The following ADGRG4 variants were observed in gnomAD, a reference collection of about 807,000 sequenced individuals.
The protein encoded by ADGRG4 is adhesion G protein-coupled receptor G4.
Under a neutral mutation model 126.2 loss-of-function variants are expected in ADGRG4, and 122 were observed. The observed-to-expected ratio is 0.97, with a 90% CI of 0.83 to 1.12. The LOEUF (loss-of-function observed/expected upper bound fraction) is 1.12, where lower values mean the gene tolerates loss of function less well. Ranked by LOEUF, ADGRG4 falls within the 50% of genes most tolerant of loss-of-function variation. The pLI is 0.00. For missense variants in ADGRG4, 2,481 were observed against 2,251.8 expected, an observed-to-expected ratio of 1.10 and a Z score of -2.06; for synonymous variants, 943 against 838.7, an observed-to-expected ratio of 1.12 and a Z score of -2.15.
chrX:136,357,829 T>C (rs370828314), intron 10 of ADGRG4, 73 bp downstream of exon 10: 3 of 743,592 alleles, frequency 4.0e-6, no homozygotes, highest in Non-Finnish European at 6.1e-6. Flanking sequence ...TAATTCTGCA[T>C]GTGCGGCCAG....
rs867967224 is a variant in ADGRG4, at chrX:136,414,471, G to T, written c.9205+144G>T. ...TGTATACCTCGACTCATTCTTGGCT[G>T]AGAAAGTGTGTATAGAAGCATAGAA... On this transcript the variant is annotated intron_variant, in intron 25 of 25. Transcript: ENST00000394143. 1.2e-5 allele frequency: 6 copies of T among 489,302 alleles called. No homozygotes were observed. In the Middle Eastern group the frequency reaches 2.2e-3, roughly 182 times the overall value. The allele number at this position is 489,302 out of a possible 1,213,427, so 40.3% of individuals were successfully genotyped here. A position where few individuals can be genotyped will look rare whatever the true frequency, so the allele number is the denominator to read the frequency against.
chrX:136,329,044 GA>G (rs1163046357), intron 5 of ADGRG4, among the ~76,000 whole-genome samples: 36 of 106,055 alleles, frequency 3.4e-4, no homozygotes, highest in Admixed American at 9.0e-4. Context: ...ACACCACTTT[GA>G]AAAAAAAAAG....
intron 4 of ADGRG4, among the ~76,000 whole-genome samples, chrX:136,322,087 A>C (rs966558561): frequency 1.8e-5 from 2 of 111,690 alleles, no homozygotes; most frequent in Non-Finnish European, 3.8e-5. Context: ...AGCCAATGGT[A>C]ACTGGGGTCT....
At chrX:136,379,760 G>A (rs1172062781) in intron 15 of ADGRG4, among the ~76,000 whole-genome samples, 3 of 110,364 alleles carry the variant, frequency 2.7e-5, no homozygotes, top group African/African-American at 6.6e-5. Flanking sequence ...TAGCTGACCC[G>A]TTGAATAACA....
At chrX:136,325,686 C>T (rs1214030673) in intron 5 of ADGRG4, among the ~76,000 whole-genome samples, 1 of 106,755 alleles carries the variant, frequency 9.4e-6, no homozygotes, top group African/African-American at 3.4e-5. Context: ...CTAGACAACC[C>T]TGTTTTATTT....
rs138686053 is a variant in ADGRG4 at position 136,323,577 on chromosome X, A to AACACACAC, written c.685+216_685+223dup. The stretch of plus-strand genomic sequence containing the variant: ...AAAGATTGGAAGAATAGGATAGAAG[A>AACACACAC]ACACACACACACACACACACACACA... On this transcript the variant is annotated intron_variant, in intron 5 of 25. Transcript: ENST00000394143. 4.3e-3 allele frequency among the ~76,000 whole-genome samples: 407 copies of AACACACAC among 93,997 alleles called. 1 individual carries two copies. The highest frequency in any genetic ancestry group is 0.011 in the African/African-American group (289 of 25,356). The allele number at this position is 93,997 out of a possible 115,157, so 81.6% of individuals were successfully genotyped here. A position where few individuals can be genotyped will look rare whatever the true frequency, so the allele number is the denominator to read the frequency against.
Position 136,348,224 on chromosome X carries a change from G to T in ADGRG4, c.4518G>T (p.Thr1506=). The T allele has an allele frequency of 1.7e-6, 2 of 1,210,178 alleles. No individual in the cohort carries two copies. The highest frequency in any genetic ancestry group is 2.2e-6 in the Non-Finnish European group (2 of 894,415). Residue 1506 remains threonine, a synonymous_variant, in exon 6 of 26, where the codon ACG becomes ACT. Transcript: ENST00000394143. ...TTCCTAGAGAATCCTCTATGGCAAC[G>T]TCCACTCCTATTTACCAGATGTCCT... is the stretch of plus-strand genomic sequence containing the variant. ...TMLPRESSMA[T]STPIYQMSSL...
intron 4 of ADGRG4, among the ~76,000 whole-genome samples, chrX:136,310,393 G>A (rs2074761201): frequency 9.0e-6 from 1 of 111,259 alleles, no homozygotes; most frequent in African/African-American, 3.3e-5. Flanking sequence ...CAGTCACAAG[G>A]TTTTCCAGAC....
intron 16 of ADGRG4, among the ~76,000 whole-genome samples, chrX:136,390,510 G>A (rs1302128159): frequency 1.8e-5 from 2 of 111,436 alleles, no homozygotes; most frequent in Non-Finnish European, 3.8e-5. Flanking sequence ...CCACTCATCT[G>A]GAAGATCAGG....
At chrX:136,317,523 A>G (rs747610467) in intron 4 of ADGRG4, among the ~76,000 whole-genome samples, 29 of 107,371 alleles carry the variant, frequency 2.7e-4, no homozygotes, top group Admixed American at 1.1e-3. Flanking sequence ...AAAAAAAGAA[A>G]GAAAGAAATG....
Position 136,348,923 on chromosome X carries a change from T to A in ADGRG4, c.5217T>A (p.Asp1739Glu), listed in dbSNP as rs752988298. The A allele has an allele frequency of 8.3e-6, 10 of 1,204,051 alleles. No homozygotes were observed. In the Admixed American group the frequency reaches 2.0e-4, roughly 24 times the overall value. Residue 1739 changes from aspartate to glutamate, a missense_variant, in exon 6 of 26, where the codon GAT becomes GAA. Coordinates refer to ENST00000394143, the MANE Select transcript of ADGRG4 (RefSeq NM_153834.4). ...VNSGTGVALT[D>E]TYSRITVPEN... Reference sequence around the variant, plus strand: ...GTGGTACAGGGGTAGCTCTCACAGATACTTATTCCAGAATCACTGTTCCTG... The same window carrying A: ...GTGGTACAGGGGTAGCTCTCACAGAAACTTATTCCAGAATCACTGTTCCTG...
chrX:136,380,530 GCCT>G (rs200185658), intron 15 of ADGRG4, among the ~76,000 whole-genome samples: 2 of 103,755 alleles, frequency 1.9e-5, no homozygotes, highest in East Asian at 3.0e-4. Flanking sequence ...TGCTGCTGCT[GCCT>G]CCTCCTCCTC....
chrX:136,353,902 G>A (rs990621583), intron 8 of ADGRG4, among the ~76,000 whole-genome samples: 4 of 111,993 alleles, frequency 3.6e-5, no homozygotes, highest in Admixed American at 1.9e-4. Context: ...CAGGCACTGA[G>A]TAGTATCATG....
chrX:136,301,794 C>A (rs899717112), intron 1 of ADGRG4, among the ~76,000 whole-genome samples: 3 of 111,737 alleles, frequency 2.7e-5, no homozygotes, highest in Non-Finnish European at 5.6e-5. Flanking sequence ...TCAGCTTTCT[C>A]CATATGGCTA....
chrX:136,314,916 T>G (rs952637563), intron 4 of ADGRG4, among the ~76,000 whole-genome samples: 6 of 111,747 alleles, frequency 5.4e-5, no homozygotes, highest in Non-Finnish European at 1.1e-4. Context: ...GGGTGAGACA[T>G]GGGCCTTGAA....
intron 5 of ADGRG4, among the ~76,000 whole-genome samples, chrX:136,341,907 A>G (rs1340884997): frequency 8.9e-6 from 1 of 112,052 alleles, no homozygotes; most frequent in African/African-American, 3.2e-5. Flanking sequence ...AATTATTCCT[A>G]CATCATAGGT....
At chrX:136,380,923 G>A (rs2075260282) in intron 15 of ADGRG4, among the ~76,000 whole-genome samples, 1 of 108,422 alleles carries the variant, frequency 9.2e-6, no homozygotes, top group South Asian at 4.1e-4. Context: ...TTTCTTTGTT[G>A]CCCACAGTGG....
Position 136,350,344 on chromosome X carries a change from CG to C in ADGRG4, c.6639del (p.Ser2214ProfsTer37). On this transcript the variant is annotated frameshift_variant, in exon 6 of 26. Transcript: ENST00000394143. LOFTEE classifies it high-confidence loss of function. ...PFTATVSSPI[S>X]SFFETTWLDS... ...ACAGCAACTGTGTCTTCACCAATAT[CG>C]TCCTTTTTTGAAACAACTTGGCTGG... 3 of 1,210,156 alleles carry C rather than the reference CG, an allele frequency of 2.5e-6. No homozygotes were observed. Among genetic ancestry groups the C allele is most frequent in the South Asian group, 3.5e-5 (2 of 56,953 alleles).
In ADGRG4 at chrX:136,350,064, G is replaced by A; in HGVS notation, c.6358G>A (p.Val2120Met). The change falls in exon 6 of 26, where the codon GTG (valine) becomes ATG (methionine). Residue 2120 changes from valine (V) to methionine (M), a missense_variant. Val to Met is a conservative substitution (Grantham distance 21, BLOSUM62 1). Coordinates refer to ENST00000394143, the MANE Select transcript of ADGRG4 (RefSeq NM_153834.4). Reference protein sequence around the residue: ...RTTITANPRTVSHPSSFSRKT... With the variant: ...RTTITANPRTMSHPSSFSRKT... The stretch of plus-strand genomic sequence containing the variant: ...CACAATAACTGCCAACCCCAGGACT[G>A]TGTCTCATCCTTCATCCTTCAGCAG... The A allele has an allele frequency of 8.3e-7, 1 of 1,209,005 alleles. No homozygotes were observed. The highest frequency in any genetic ancestry group is 2.2e-5 in the Admixed American group (1 of 45,652).
Sources: allele counts gnomAD v4.1 joint callset (sites outside exome capture counted in the v4.1 genomes callset), GRCh38; gene constraint gnomAD v4.1.1; transcripts MANE v1.5; gene names NCBI Gene and HGNC (gene_info 2026-07-23, HGNC 2026-07-21).